Variants in FGFR1OP2 observed in about 807,000 individuals in gnomAD.
FGFR1OP2 encodes the protein fibroblast growth factor receptor 1 oncogene partner 2.
Under a neutral mutation model 35.2 loss-of-function variants are expected in FGFR1OP2, and 17 were observed. That is an observed-to-expected ratio of 0.48 (90% CI 0.33 to 0.73). The LOEUF (loss-of-function observed/expected upper bound fraction) is 0.73. Among genes scored for constraint, FGFR1OP2 ranks in the 30% least tolerant of loss-of-function variants. FGFR1OP2 has a pLI of 0.02. For synonymous variants in FGFR1OP2, 105 were observed against 104.6 expected, an observed-to-expected ratio of 1.00 and a Z score of -0.03; for missense variants, 251 against 307.3, an observed-to-expected ratio of 0.82 and a Z score of 1.37.
At chr12:26,957,000 C>T (rs1273682691) in intron 3 of FGFR1OP2, among the ~76,000 whole-genome samples, 1 of 152,172 alleles carries the variant, frequency 6.6e-6, no homozygotes, top group Non-Finnish European at 1.5e-5. Context: ...TCATGTAATT[C>T]TTTTGCCTAA....
chr12:26,938,744 G>C (rs1223531227), intron 1 of FGFR1OP2, 34 bp downstream of exon 1: 1 of 152,432 alleles, frequency 6.6e-6, no homozygotes, highest in East Asian at 1.9e-4. Flanking sequence ...GGGAGCAGGG[G>C]TGGGCGAGTC....
chr12:26,952,964 G>A (rs1938956907), intron 1 of FGFR1OP2, among the ~76,000 whole-genome samples: 2 of 151,958 alleles, frequency 1.3e-5, no homozygotes, highest in Admixed American at 1.3e-4. Flanking sequence ...AAACTTAGTA[G>A]AAAGATAAAA....
intron 2 of FGFR1OP2, among the ~76,000 whole-genome samples, chr12:26,954,896 C>T (rs1416167315): frequency 1.3e-5 from 2 of 152,094 alleles, no homozygotes; most frequent in African/African-American, 2.4e-5. Flanking sequence ...TAAAAATTTT[C>T]AAGTCATTTA....
intron 1 of FGFR1OP2, among the ~76,000 whole-genome samples, chr12:26,942,464 A>T (rs1035776193): frequency 2.0e-5 from 3 of 152,258 alleles, no homozygotes; most frequent in Non-Finnish European, 2.9e-5. Context: ...ATTAATTAAA[A>T]TTATTACGTA....
At chr12:26,948,526 C>T (rs1412963056) in intron 1 of FGFR1OP2, among the ~76,000 whole-genome samples, 1 of 152,170 alleles carries the variant, frequency 6.6e-6, no homozygotes, top group African/African-American at 2.4e-5. Flanking sequence ...AAATTGTTCT[C>T]TATGAGTAAT....
At chr12:26,942,021 A>G (rs577383200) in intron 1 of FGFR1OP2, among the ~76,000 whole-genome samples, 1 of 152,168 alleles carries the variant, frequency 6.6e-6, no homozygotes, top group East Asian at 1.9e-4. Context: ...TGGTGCTGTC[A>G]TTCAGCTTTG....
At chr12:26,946,800 T>A (rs1938830533) in intron 1 of FGFR1OP2, among the ~76,000 whole-genome samples, 1 of 152,208 alleles carries the variant, frequency 6.6e-6, no homozygotes, top group Non-Finnish European at 1.5e-5. Flanking sequence ...AAAGAAACCG[T>A]ATGTTCATTA....
chr12:26,946,907 A>G (rs1361633109), intron 1 of FGFR1OP2, among the ~76,000 whole-genome samples: 1 of 152,126 alleles, frequency 6.6e-6, no homozygotes, highest in Non-Finnish European at 1.5e-5. Context: ...TCTTTTGGAC[A>G]CTATATAAAT....
intron 1 of FGFR1OP2, among the ~76,000 whole-genome samples, chr12:26,953,869 C>G (rs1016886269): frequency 1.1e-4 from 17 of 152,126 alleles, no homozygotes; most frequent in African/African-American, 3.9e-4. Flanking sequence ...TACTTTTTTC[C>G]CCACTGTAAA....
rs1347992567 is a variant in FGFR1OP2, at chr12:26,964,873, A to T, written c.*140A>T. On this transcript the variant is annotated 3_prime_UTR_variant, in exon 7 of 7. Transcript: ENST00000229395. ...ACGGGCTATGAGATAGCAACAAAAA[A>T]TGCATAGTTAATGGTCATAGACTTT... 2.6e-6 allele frequency: 2 copies of T among 772,128 alleles called. No individual in the cohort carries two copies. Among genetic ancestry groups the T allele is most frequent in the East Asian group, 2.6e-5 (1 of 38,024 alleles). The allele number at this position is 772,128 out of a possible 1,614,324, so 47.8% of individuals were successfully genotyped here.
intron 1 of FGFR1OP2, among the ~76,000 whole-genome samples, chr12:26,941,087 A>C (rs541382959): frequency 6.6e-6 from 1 of 152,226 alleles, no homozygotes; most frequent in Non-Finnish European, 1.5e-5. Flanking sequence ...CTAATGCAGA[A>C]AAGAAAAAAA....
intron 1 of FGFR1OP2, among the ~76,000 whole-genome samples, chr12:26,944,557 A>G (rs1938791595): frequency 6.6e-6 from 1 of 152,188 alleles, no homozygotes; most frequent in East Asian, 1.9e-4. Flanking sequence ...TGAATCTGGG[A>G]TAAACTCCCA....
At position 26,938,717 on chromosome 12, in the gene FGFR1OP2, G is replaced by A. The variant is rs902850673; in HGVS notation, c.-15+7G>A. 5.2e-5 allele frequency: 8 copies of A among 152,406 alleles called. No individual in the cohort carries two copies. Among genetic ancestry groups the A allele is most frequent in the African/African-American group, 1.9e-4 (8 of 41,452 alleles). 9.4% of individuals were successfully genotyped at this position (152,406 alleles called of 1,614,324 possible). On this transcript the variant is annotated splice_region_variant and intron_variant, in intron 1 of 6. Coordinates refer to ENST00000229395, the MANE Select transcript of FGFR1OP2 (RefSeq NM_015633.3). ...GCGAGGGACTAAGAGCAGAGTAAGT[G>A]GACTAAATCCAGGGACGGGAGCAGG...
At chr12:26,945,075 C>G (rs1348060146) in intron 1 of FGFR1OP2, among the ~76,000 whole-genome samples, 1 of 152,066 alleles carries the variant, frequency 6.6e-6, no homozygotes, top group African/African-American at 2.4e-5. Flanking sequence ...CCTGATATCC[C>G]TTCTTTCCAT....
In FGFR1OP2 at chr12:26,963,337, T is replaced by G. The variant is rs1348072370; in HGVS notation, c.511-5T>G. ...TGATTTCCAACTCCCATCCCTCTTT[T>G]TCAGGAACTGCAAGCACATGTTGAC... On this transcript the variant is annotated splice_region_variant and splice_polypyrimidine_tract_variant and intron_variant, in intron 5 of 6. Coordinates refer to ENST00000229395, the MANE Select transcript of FGFR1OP2 (RefSeq NM_015633.3). 4 of 1,581,486 alleles carry G rather than the reference T, an allele frequency of 2.5e-6. No homozygotes were observed. Among genetic ancestry groups the G allele is most frequent in the Admixed American group, 3.6e-5 (2 of 55,362 alleles).
At chr12:26,942,797 T>A (rs1218948694) in intron 1 of FGFR1OP2, among the ~76,000 whole-genome samples, 2 of 152,196 alleles carry the variant, frequency 1.3e-5, no homozygotes, top group African/African-American at 2.4e-5. Context: ...TTTATTTGGG[T>A]TATTTTCTTA....
In FGFR1OP2 at chr12:26,963,203, G is replaced by A. The variant is rs1266603341; in HGVS notation, c.511-139G>A. The A allele has an allele frequency of 2.2e-5, 11 of 499,632 alleles. No homozygotes were observed. In the South Asian group the frequency reaches 3.3e-4, roughly 15 times the overall value. 30.9% of individuals were successfully genotyped at this position (499,632 alleles called of 1,614,324 possible). On this transcript the variant is annotated intron_variant, in intron 5 of 6. Transcript: ENST00000229395. ...ACATCTGTGGTCAACCAACTTCATT[G>A]TTAATATTTGTTTTATTCATATTAA...
rs1248808974 is a variant in FGFR1OP2, at chr12:26,964,757, CT to C, written c.*26del. On this transcript the variant is annotated 3_prime_UTR_variant, in exon 7 of 7. Coordinates refer to ENST00000229395, the MANE Select transcript of FGFR1OP2 (RefSeq NM_015633.3). ...GAAGAGTTTCTGAGTCTGTGAGCTT[CT>C]TACATGGCTCCAAATGGTCAAATAA... 1 of 1,601,608 alleles carries C rather than the reference CT, an allele frequency of 6.2e-7. No homozygotes were observed. The highest frequency in any genetic ancestry group is 1.3e-5 in the African/African-American group (1 of 74,570).
intron 5 of FGFR1OP2, 87 bp downstream of exon 5, chr12:26,960,715 G>C: frequency 6.8e-7 from 1 of 1,476,564 alleles, no homozygotes; most frequent in Non-Finnish European, 9.0e-7. Context: ...TTCCCTCCCA[G>C]ATTAGATCAG....
Sources: gnomAD v4.1 joint callset for allele counts (sites outside exome capture counted in the v4.1 genomes callset) on GRCh38, gnomAD v4.1.1 for gene constraint, MANE v1.5 for transcripts, NCBI Gene and HGNC (gene_info 2026-07-23, HGNC 2026-07-21) for gene names.